TSNAXIP1: variants seen among roughly 807,000 people sequenced by gnomAD.
TSNAXIP1 encodes translin-associated factor X-interacting protein 1.
In TSNAXIP1, 89 loss-of-function variants were observed where a neutral mutation model predicts 84.8. The observed-to-expected ratio is 1.05, with a 90% CI of 0.88 to 1.25. The LOEUF (loss-of-function observed/expected upper bound fraction) is 1.25. Among genes scored for constraint, TSNAXIP1 ranks in the 50% most tolerant of loss-of-function variants. The pLI, the probability that TSNAXIP1 is intolerant of heterozygous loss-of-function variation, is 0.00. For missense variants in TSNAXIP1, 874 were observed against 887.6 expected (o/e 0.98, Z 0.20); for synonymous variants, 347 against 335.2 (o/e 1.04, Z -0.39).
At chr16:67,822,045 G>T (rs941741500) in intron 4 of TSNAXIP1, among the ~76,000 whole-genome samples, 2 of 151,624 alleles carry the variant, frequency 1.3e-5, no homozygotes, top group African/African-American at 4.8e-5. Context: ...TTGGGAGGCC[G>T]AGGCAGGCGG....
chr16:67,811,567 G>A (rs969377887), intron 1 of TSNAXIP1, among the ~76,000 whole-genome samples: 1 of 145,382 alleles, frequency 6.9e-6, no homozygotes, highest in Non-Finnish European at 1.5e-5. Flanking sequence ...TCAGCCTCCC[G>A]AGTAGCTGGG....
chr16:67,807,102 C>T lies in TSNAXIP1; in HGVS notation c.-48C>T, dbSNP rs934273388. The T allele has an allele frequency of 5.2e-6, 8 of 1,531,776 alleles. No individual in the cohort carries two copies. The African/African-American group carries it at 8.2e-5, about 16-fold the overall frequency. The allele number at this position is 1,531,776 out of a possible 1,614,324, so 94.9% of individuals were successfully genotyped here. A position where few individuals can be genotyped will look rare whatever the true frequency, so the allele number is the denominator to read the frequency against. On this transcript the variant is annotated 5_prime_UTR_variant, in exon 1 of 16. Transcript: ENST00000561639. Reference sequence around the variant, plus strand: ...GCCATGGCGACCGGCTGTACGCTACCACAGCTTCCCAGGCCGCGGGTGCTG... The same window carrying T: ...GCCATGGCGACCGGCTGTACGCTACTACAGCTTCCCAGGCCGCGGGTGCTG...
In TSNAXIP1 at chr16:67,826,545, C is replaced by A; in HGVS notation, c.1384C>A (p.Arg462Ser). ...VNLLKDAWKE[R>S]LAEEQKETFP... is the part of the protein sequence containing the mutation. The stretch of plus-strand genomic sequence containing the variant: ...CCTCCTCAAGGATGCCTGGAAGGAA[C>A]GTCTTGCTGAGGAGCAGGTCAGATC... Residue 462 changes from arginine (R) to serine (S), a missense_variant, in exon 11 of 16, where the codon CGT (arginine) becomes AGT (serine). By Grantham distance (110) the Arg-to-Ser change is moderately radical (BLOSUM62 -1). Coordinates refer to ENST00000561639, the MANE Select transcript of TSNAXIP1 (RefSeq NM_001288990.3). The A allele has an allele frequency of 6.2e-6, 10 of 1,614,128 alleles. No homozygotes were observed. Among genetic ancestry groups the A allele is most frequent in the Non-Finnish European group, 7.6e-6 (9 of 1,180,024 alleles).
chr16:67,810,741 CTT>C (rs759694744), intron 1 of TSNAXIP1, among the ~76,000 whole-genome samples: 5 of 145,168 alleles, frequency 3.4e-5, no homozygotes, highest in African/African-American at 2.5e-5. Flanking sequence ...ACATCTTAAA[CTT>C]TTTTTTTTTT....
At chr16:67,821,064 GGTGCTGGCCACA>G in intron 3 of TSNAXIP1, 23 bp from the exon 4 acceptor site, 1 of 1,612,390 alleles carries the variant, frequency 6.2e-7, no homozygotes. Flanking sequence ...GCCCCGTGGG[GGTGCTGGCCACA>G]TATCAGCCAC....
chr16:67,812,131 G>A (rs1263257433), intron 1 of TSNAXIP1, among the ~76,000 whole-genome samples: 1 of 152,042 alleles, frequency 6.6e-6, no homozygotes, highest in East Asian at 1.9e-4. Context: ...CAAGAGGAGT[G>A]AACACAAGAT....
At chr16:67,821,982 CAACAG>C (rs2057097396) in intron 4 of TSNAXIP1, among the ~76,000 whole-genome samples, 1 of 149,712 alleles carries the variant, frequency 6.7e-6, no homozygotes, top group African/African-American at 2.5e-5. Flanking sequence ...GAGACTCTGT[CAACAG>C]AAAAAAGAAG....
At position 67,827,386 on chromosome 16, in the gene TSNAXIP1, G is replaced by T; in HGVS notation, c.1791+11G>T. 6.2e-7 allele frequency: 1 copy of T among 1,614,182 alleles called. No homozygotes were observed. The highest frequency in any genetic ancestry group is 8.5e-7 in the Non-Finnish European group (1 of 1,180,006). ...TCACTGTTTATGGAGGTGGGTGTGT[G>T]GGGTCCGGGGACTGGCCTGGCCCCT... On this transcript the variant is annotated intron_variant, in intron 14 of 15. Transcript: ENST00000561639.
chr16:67,809,345 G>C (rs1303549099), intron 1 of TSNAXIP1, among the ~76,000 whole-genome samples: 2 of 149,778 alleles, frequency 1.3e-5, no homozygotes, highest in Non-Finnish European at 3.0e-5. Flanking sequence ...GCTTGCACCT[G>C]TAGTCCCAAC....
intron 1 of TSNAXIP1, among the ~76,000 whole-genome samples, chr16:67,810,982 G>GT (rs953539731): frequency 2.1e-3 from 274 of 129,924 alleles, no homozygotes; most frequent in South Asian, 4.8e-3. Flanking sequence ...CATGTCTTTT[G>GT]TTTTTTTTTT....
chr16:67,807,039 C>G lies in TSNAXIP1; in HGVS notation c.-111C>G. Reference sequence around the variant, plus strand: ...GCTCGGGGGCGTGGCGCATCCCTGACTCCGCCCCCGCCGCGGGGGGGCCTC... The same window carrying G: ...GCTCGGGGGCGTGGCGCATCCCTGAGTCCGCCCCCGCCGCGGGGGGGCCTC... On this transcript the variant is annotated 5_prime_UTR_variant, in exon 1 of 16. Transcript: ENST00000561639. The G allele has an allele frequency of 6.8e-7, 1 of 1,473,412 alleles. No individual in the cohort carries two copies. The allele number at this position is 1,473,412 out of a possible 1,614,324, so 91.3% of individuals were successfully genotyped here.
chr16:67,820,169 G>A lies in TSNAXIP1; in HGVS notation c.148-670G>A, dbSNP rs373630902. Among the ~76,000 whole-genome samples the A allele has an allele frequency of 2.2e-4, 34 of 151,698 alleles. No individual in the cohort carries two copies. The East Asian group carries it at 3.9e-3, about 18-fold the overall frequency. Reference sequence around the variant, plus strand: ...GACGGGGTTTCACCGTGTTAGCCAGGATAGTCTCGATCTCCTGACCTCGTG... The same window carrying A: ...GACGGGGTTTCACCGTGTTAGCCAGAATAGTCTCGATCTCCTGACCTCGTG... On this transcript the variant is annotated intron_variant, in intron 2 of 15. Transcript: ENST00000561639.
rs565844113 is a variant in TSNAXIP1 at position 67,821,181 on chromosome 16, C to T, written c.343C>T (p.Leu115=). 2 of 1,589,998 alleles carry T rather than the reference C, an allele frequency of 1.3e-6. No homozygotes were observed. Among genetic ancestry groups the T allele is most frequent in the Admixed American group, 1.7e-5 (1 of 58,182 alleles). Residue 115 remains leucine, a synonymous_variant, in exon 4 of 16, where the codon CTG becomes TTG. Coordinates refer to ENST00000561639, the MANE Select transcript of TSNAXIP1 (RefSeq NM_001288990.3). ...AAACTACCTACGCAAGGAGCTCCTC[C>T]TGCTGGACCTGGGCACAGATTCCAC... The part of the protein sequence containing the change: ...LENYLRKELL[L]LDLGTDSTQE...
At chr16:67,811,243 G>C (rs1597987212) in intron 1 of TSNAXIP1, among the ~76,000 whole-genome samples, 1 of 151,898 alleles carries the variant, frequency 6.6e-6, no homozygotes, top group Non-Finnish European at 1.5e-5. Context: ...GCAGGTGTTT[G>C]GTTTGCCTTG....
intron 4 of TSNAXIP1, among the ~76,000 whole-genome samples, chr16:67,822,564 G>GGA (rs2057145534): frequency 1.4e-5 from 2 of 141,546 alleles, no homozygotes; most frequent in Admixed American, 1.4e-4. Context: ...GAGGGAGGGA[G>GGA]GAAGAGAGAG....
At chr16:67,814,277 C>T (rs1310236671) in intron 1 of TSNAXIP1, 25 bp from the exon 2 acceptor site, 1 of 1,509,590 alleles carries the variant, frequency 6.6e-7, no homozygotes, top group Non-Finnish European at 8.9e-7. Context: ...TGTCACCCAC[C>T]ATCAGCTTTC....
At chr16:67,810,748 T>G (rs1034870822) in intron 1 of TSNAXIP1, among the ~76,000 whole-genome samples, 4 of 151,934 alleles carry the variant, frequency 2.6e-5, no homozygotes, top group Non-Finnish European at 4.4e-5. Flanking sequence ...AAACTTTTTT[T>G]TTTTTTTGAG....
chr16:67,824,361 G>T (rs537663108), intron 5 of TSNAXIP1, among the ~76,000 whole-genome samples: 46 of 152,180 alleles, frequency 3.0e-4, no homozygotes, highest in Non-Finnish European at 4.4e-4. Flanking sequence ...TAAGGCTGTA[G>T]GGGAAAGGAC....
At chr16:67,825,575 C>T (rs2057374129) in intron 7 of TSNAXIP1, 92 bp from the exon 8 acceptor site, 1 of 1,500,066 alleles carries the variant, frequency 6.7e-7, no homozygotes, top group Non-Finnish European at 9.0e-7. Context: ...TGGGCAAGAA[C>T]CAGGGAACCC....
Sources: gnomAD v4.1 joint callset for allele counts (sites outside exome capture counted in the v4.1 genomes callset) on GRCh38, gnomAD v4.1.1 for gene constraint, MANE v1.5 for transcripts, NCBI Gene and HGNC (gene_info 2026-07-23, HGNC 2026-07-21) for gene names.